Variants in MED6 observed in about 807,000 individuals in gnomAD.
MED6 encodes mediator of RNA polymerase II transcription subunit 6.
Under a neutral mutation model 37.5 loss-of-function variants are expected in MED6, and 33 were observed. The observed-to-expected ratio is 0.88, with a 90% confidence interval of 0.67 to 1.18. The LOEUF is 1.18. MED6 is among the 50% of genes most tolerant of loss of function. The pLI is 0.00. For missense variants in MED6, 235 were observed against 290.6 expected, an observed-to-expected ratio of 0.81 and a Z score of 1.39; for synonymous variants, 94 against 93.6, an observed-to-expected ratio of 1.00 and a Z score of -0.02.
chr14:70,596,149 C>T (rs569092330), intron 3 of MED6: 14 of 179,296 alleles, frequency 7.8e-5, no homozygotes, highest in Non-Finnish European at 1.2e-4. Context: ...ATAGTAGACA[C>T]CAGATTTCTT....
chr14:70,597,685 G>T lies in MED6; in HGVS notation c.115C>A (p.Pro39Thr). The T allele has an allele frequency of 6.4e-7, 1 of 1,563,896 alleles. No individual in the cohort carries two copies. Among genetic ancestry groups the T allele is most frequent in the Non-Finnish European group, 8.6e-7 (1 of 1,162,410 alleles). ...VLDYFSERSNPFYDRTCNNEV... is the reference protein window; with the variant it reads ...VLDYFSERSNTFYDRTCNNEV... ...TTATTACATGTTCTGTCATAAAAAG[G>T]ATTACTTCTTTCTGAAAAGTAATCC... Residue 39 changes from proline to threonine, a missense_variant, in exon 2 of 8, where the codon CCT becomes ACT. By Grantham distance (38) the Pro-to-Thr change is conservative. Coordinates refer to ENST00000256379, the MANE Select transcript of MED6 (RefSeq NM_005466.4).
rs1189172975 is a variant in MED6 at position 70,584,255 on chromosome 14, AT to A, written c.*557del. On this transcript the variant is annotated 3_prime_UTR_variant, in exon 8 of 8. Transcript: ENST00000256379. ...TGAAGCAATATATACAAATACCTTT[AT>A]TTTGCTTTTAAACATATCTACCAGT... 2.9e-6 allele frequency: 2 copies of A among 693,078 alleles called. No individual in the cohort carries two copies. The highest frequency in any genetic ancestry group is 5.2e-6 in the Non-Finnish European group (2 of 386,280). The allele number at this position is 693,078 out of a possible 1,614,324, so 42.9% of individuals were successfully genotyped here.
chr14:70,583,823 A>C lies in MED6; in HGVS notation c.*990T>G, dbSNP rs1566672260. The C allele has an allele frequency of 2.9e-6, 1 of 343,194 alleles. No homozygotes were observed. The highest frequency in any genetic ancestry group is 5.2e-6 in the Non-Finnish European group (1 of 191,992). 21.3% of individuals were successfully genotyped at this position (343,194 alleles called of 1,614,324 possible). A position where few individuals can be genotyped will look rare whatever the true frequency, so the allele number is the denominator to read the frequency against. On this transcript the variant is annotated 3_prime_UTR_variant, in exon 8 of 8. Coordinates refer to ENST00000256379, the MANE Select transcript of MED6 (RefSeq NM_005466.4). ...AGTTTTAAAAGCATCTACATGCAGC[A>C]AGCACACTCAGCCCCCTTGCCATGA... is the stretch of plus-strand genomic sequence containing the variant.
intron 6 of MED6, among the ~76,000 whole-genome samples, chr14:70,588,864 A>T (rs1026309717): frequency 1.3e-5 from 2 of 152,038 alleles, no homozygotes; most frequent in Admixed American, 1.3e-4. Context: ...TGTTTTTAAA[A>T]TTACCATACT....
At position 70,591,254 on chromosome 14, in the gene MED6, T is replaced by C; in HGVS notation, c.582+12A>G. The C allele has an allele frequency of 6.3e-7, 1 of 1,584,502 alleles. No homozygotes were observed. The highest frequency in any genetic ancestry group is 8.7e-7 in the Non-Finnish European group (1 of 1,155,010). On this transcript the variant is annotated intron_variant, in intron 6 of 7. Transcript: ENST00000256379. ...GTGTCAAATCAAGATTAACCACACATATTCTCATTACCTGCACAAATTTGG... is the reference window on the plus strand; with the variant it reads ...GTGTCAAATCAAGATTAACCACACACATTCTCATTACCTGCACAAATTTGG...
chr14:70,584,926 C>T lies in MED6; in HGVS notation c.628G>A (p.Glu210Lys), dbSNP rs1301122637. 1 of 1,613,716 alleles carries T rather than the reference C, an allele frequency of 6.2e-7. No individual in the cohort carries two copies. Among genetic ancestry groups the T allele is most frequent in the Admixed American group, 1.7e-5 (1 of 59,942 alleles). Residue 210 changes from glutamate (E) to lysine (K), a missense_variant, in exon 8 of 8, where the codon GAG becomes AAG. Physicochemically the swap from Glu to Lys is moderately conservative, Grantham distance 56. Transcript: ENST00000256379. Reference protein sequence around the residue: ...KPVPVDQTKKEAEPIPETVKP... With the variant: ...KPVPVDQTKKKAEPIPETVKP... ...ACAGTTTCTGGTATAGGTTCTGCCT[C>T]TTTCTTTGTTTGATCCACTAGATAT...
chr14:70,596,687 G>A lies in MED6; in HGVS notation c.198C>T (p.Ile66=), dbSNP rs770038499. Residue 66 remains isoleucine, a synonymous_variant, in exon 3 of 8, where the codon ATC becomes ATT. Transcript: ENST00000256379. Reference sequence around the variant, plus strand: ...CTTGAGCATGCAAAAGGATGTACTCGATTCCAACCATCTGACTGAAAACAG... The same window carrying A: ...CTTGAGCATGCAAAAGGATGTACTCAATTCCAACCATCTGACTGAAAACAG... ...TLEHLNQMVG[I]EYILLHAQEP... 1.1e-5 allele frequency: 17 copies of A among 1,613,536 alleles called. No homozygotes were observed. The East Asian group carries it at 2.9e-4, about 27-fold the overall frequency.
At position 70,584,864 on chromosome 14, in the gene MED6, T is replaced by C. The variant is rs1884657025; in HGVS notation, c.690A>G (p.Gln230=). 1 of 1,614,084 alleles carries C rather than the reference T, an allele frequency of 6.2e-7. No homozygotes were observed. The highest frequency in any genetic ancestry group is 1.3e-5 in the African/African-American group (1 of 74,934). Residue 230 remains glutamine, a synonymous_variant, in exon 8 of 8, where the codon CAA becomes CAG. Transcript: ENST00000256379. Reference sequence around the variant, plus strand: ...GGGGGCCTTTAGCACTCACTGTCTGTTGTACATTCTTTGTGGTCTCCTTCT... The same window carrying C: ...GGGGGCCTTTAGCACTCACTGTCTGCTGTACATTCTTTGTGGTCTCCTTCT... The part of the protein sequence containing the change: ...PEEKETTKNV[Q]QTVSAKGPPE...
At chr14:70,585,534 C>T (rs1048977886) in intron 7 of MED6, among the ~76,000 whole-genome samples, 3 of 150,844 alleles carry the variant, frequency 2.0e-5, no homozygotes, top group Non-Finnish European at 2.9e-5. Flanking sequence ...AATCTGTAAA[C>T]TTCCTTAAAA....
At chr14:70,585,728 C>T (rs200281354) in intron 7 of MED6, 28 bp downstream of exon 7, 269 of 1,559,700 alleles carry the variant, frequency 1.7e-4, no homozygotes, top group Non-Finnish European at 2.2e-4. Context: ...TTATTTCAAG[C>T]GTAATAAGAA....
At chr14:70,596,504 T>C (rs997446889) in intron 3 of MED6, 107 bp downstream of exon 3, 23 of 777,004 alleles carry the variant, frequency 3.0e-5, no homozygotes, top group Admixed American at 2.1e-4. Flanking sequence ...TATGTGGTCT[T>C]GGAGACCCCC....
At chr14:70,585,873 A>AT in intron 6 of MED6, 90 bp from the exon 7 acceptor site, 1 of 989,742 alleles carries the variant, frequency 1.0e-6, no homozygotes, top group South Asian at 1.6e-5. Flanking sequence ...CTGATGTCAT[A>AT]TTAATAAAAT....
intron 7 of MED6, among the ~76,000 whole-genome samples, chr14:70,585,512 T>C (rs192594107): frequency 6.6e-6 from 1 of 151,536 alleles, no homozygotes; most frequent in East Asian, 1.9e-4. Flanking sequence ...GCTTTGAATG[T>C]GGCCCAACAC....
intron 6 of MED6, among the ~76,000 whole-genome samples, chr14:70,589,073 T>C (rs1440051218): frequency 3.3e-5 from 5 of 152,186 alleles, no homozygotes; most frequent in Non-Finnish European, 7.3e-5. Flanking sequence ...GAATGTTCTT[T>C]AGGTCGGTCA....
chr14:70,594,817 C>G (rs1387044776), intron 3 of MED6: 3 of 632,272 alleles, frequency 4.7e-6, no homozygotes, highest in South Asian at 2.8e-5. Context: ...TGAACCTACC[C>G]TGGTTCAATG....
At position 70,596,674 on chromosome 14, in the gene MED6, A is replaced by C; in HGVS notation, c.211T>G (p.Leu71Val). 1 of 1,614,052 alleles carries C rather than the reference A, an allele frequency of 6.2e-7. No individual in the cohort carries two copies. Among genetic ancestry groups the C allele is most frequent in the Non-Finnish European group, 8.5e-7 (1 of 1,179,928 alleles). ...NQMVGIEYILLHAQEPILFII... is the reference protein window; with the variant it reads ...NQMVGIEYILVHAQEPILFII... ...AAAAGAATGGGCTCTTGAGCATGCA[A>C]AAGGATGTACTCGATTCCAACCATC... The change falls in exon 3 of 8, where the codon TTG becomes GTG. Residue 71 changes from leucine to valine, a missense_variant. Leu to Val is a conservative substitution (Grantham distance 32, BLOSUM62 1). Coordinates refer to ENST00000256379, the MANE Select transcript of MED6 (RefSeq NM_005466.4).
At chr14:70,595,630 C>T (rs952007465) in intron 3 of MED6, 2 of 907,500 alleles carry the variant, frequency 2.2e-6, no homozygotes, top group African/African-American at 3.1e-5. Flanking sequence ...GAGTACAAGG[C>T]CCTGCTGAAC....
Position 70,597,807 on chromosome 14 carries a change from A to G in MED6, c.23-30T>C. The G allele has an allele frequency of 2.0e-6, 3 of 1,512,080 alleles. No homozygotes were observed. In the South Asian group the frequency reaches 4.0e-5, roughly 20 times the overall value. 93.7% of individuals were successfully genotyped at this position (1,512,080 alleles called of 1,614,324 possible). A position where few individuals can be genotyped will look rare whatever the true frequency, so the allele number is the denominator to read the frequency against. On this transcript the variant is annotated intron_variant, in intron 1 of 7. Transcript: ENST00000256379. ...GGGAAAGAAAACAAAATGATAAAGG[A>G]TTAGAAAAATAGAAAGAATCCAATC...
intron 6 of MED6, among the ~76,000 whole-genome samples, 173 bp downstream of exon 6, chr14:70,591,093 C>T (rs1438880208): frequency 6.6e-6 from 1 of 152,202 alleles, no homozygotes; most frequent in Admixed American, 6.5e-5. Context: ...ATTCCATTTA[C>T]CCATTTCTTC....
Sources: gnomAD v4.1 joint callset for allele counts (sites outside exome capture counted in the v4.1 genomes callset) on GRCh38, gnomAD v4.1.1 for gene constraint, MANE v1.5 for transcripts, NCBI Gene and HGNC (gene_info 2026-07-23, HGNC 2026-07-21) for gene names.